SH3RF1: variants seen among roughly 807,000 people sequenced by gnomAD.
SH3RF1 encodes SH3 domain containing ring finger 1, also known as E3 ubiquitin-protein ligase SH3RF1.
In SH3RF1, 32 loss-of-function variants were observed where a neutral mutation model predicts 74.0. That is an observed-to-expected ratio of 0.43 (90% CI 0.33 to 0.58). SH3RF1 has a LOEUF of 0.58. Ranked by LOEUF, SH3RF1 falls within the 20% of genes least tolerant of loss-of-function variation. The probability of loss-of-function intolerance (pLI) is 0.05; values close to 1 mark genes in which losing one functional copy is unlikely to be tolerated. For synonymous variants in SH3RF1, 396 were observed against 439.6 expected (o/e 0.90, Z 1.24); for missense variants, 954 against 1,130.9 (o/e 0.84, Z 2.24).
At chr4:169,124,616 T>A (rs951860382) in intron 6 of SH3RF1, among the ~76,000 whole-genome samples, 1 of 152,208 alleles carries the variant, frequency 6.6e-6, no homozygotes, top group Non-Finnish European at 1.5e-5. Context: ...TTTGCATGTG[T>A]AAATTTGTGT....
chr4:169,247,382 C>T (rs1731019171), intron 2 of SH3RF1, among the ~76,000 whole-genome samples: 1 of 152,142 alleles, frequency 6.6e-6, no homozygotes. Context: ...AGCTATGAAC[C>T]TGGTCCAGGG....
rs558526986 is a variant in SH3RF1 at position 169,213,323 on chromosome 4, GTGA to G, written c.393+55494_393+55496del. Among the ~76,000 whole-genome samples the G allele has an allele frequency of 2.6e-5, 4 of 152,266 alleles. No homozygotes were observed. In the East Asian group the frequency reaches 7.7e-4, roughly 29 times the overall value. ...ATATGCCATATGTATATCTACTTTG[GTGA>G]AGTGTCTGTTCAGGTCTTTTGCCCA... On this transcript the variant is annotated intron_variant, in intron 2 of 11. Coordinates refer to ENST00000284637, the MANE Select transcript of SH3RF1 (RefSeq NM_020870.4).
chr4:169,242,827 C>A (rs1035976508), intron 2 of SH3RF1, among the ~76,000 whole-genome samples: 2 of 152,206 alleles, frequency 1.3e-5, no homozygotes, highest in Non-Finnish European at 2.9e-5. Context: ...GAAGCCCTTG[C>A]CAGATCTGGC....
chr4:169,156,534 T>G lies in SH3RF1; in HGVS notation c.539A>C (p.His180Pro). 1 of 1,614,166 alleles carries G rather than the reference T, an allele frequency of 6.2e-7. No individual in the cohort carries two copies. The highest frequency in any genetic ancestry group is 8.5e-7 in the Non-Finnish European group (1 of 1,179,998). The change falls in exon 3 of 12, where the codon CAT becomes CCT. Residue 180 changes from histidine (H) to proline (P), a missense_variant. By Grantham distance (77) the His-to-Pro change is moderately conservative. This residue lies in a region of SH3RF1 where 854 missense variants were observed against 962.5 expected (regional missense o/e 0.89). Transcript: ENST00000284637. ...CACAAAGTTGGTGGGGAAAAAGCCA[T>G]GGATTCCATTGACTTCCCCATGGTA... ...NWYHGEVNGI[H>P]GFFPTNFVQI...
intron 11 of SH3RF1, among the ~76,000 whole-genome samples, chr4:169,103,295 G>A (rs770575775): frequency 2.0e-5 from 3 of 151,842 alleles, no homozygotes; most frequent in Non-Finnish European, 4.4e-5. Context: ...TTTTATGCTT[G>A]TTCTCATTAT....
chr4:169,130,607 T>A (rs1378759026), intron 5 of SH3RF1, among the ~76,000 whole-genome samples: 1 of 152,230 alleles, frequency 6.6e-6, no homozygotes, highest in African/African-American at 2.4e-5. Context: ...GGTATTTTGC[T>A]ATTTTCAGGA....
At chr4:169,186,191 G>C (rs778087011) in intron 2 of SH3RF1, among the ~76,000 whole-genome samples, 7 of 152,318 alleles carry the variant, frequency 4.6e-5, no homozygotes, top group Non-Finnish European at 1.0e-4. Flanking sequence ...TTTCTAAATA[G>C]AGAGTATGGT....
intron 2 of SH3RF1, among the ~76,000 whole-genome samples, chr4:169,252,645 T>G (rs559919833): frequency 2.0e-5 from 3 of 152,356 alleles, no homozygotes; most frequent in African/African-American, 7.2e-5. Context: ...AACCAACCTA[T>G]TCTATTTTTT....
At chr4:169,212,352 C>T (rs1730391556) in intron 2 of SH3RF1, among the ~76,000 whole-genome samples, 1 of 152,058 alleles carries the variant, frequency 6.6e-6, no homozygotes, top group African/African-American at 2.4e-5. Flanking sequence ...GCGTGAGCCA[C>T]CGCGCCTGGA....
At chr4:169,205,197 T>C (rs962400052) in intron 2 of SH3RF1, among the ~76,000 whole-genome samples, 4 of 152,234 alleles carry the variant, frequency 2.6e-5, no homozygotes, top group African/African-American at 9.6e-5. Context: ...ATTTTGTACA[T>C]AGTATTTCTT....
intron 6 of SH3RF1, among the ~76,000 whole-genome samples, chr4:169,127,585 T>C (rs1245707396): frequency 6.6e-6 from 1 of 152,234 alleles, no homozygotes; most frequent in African/African-American, 2.4e-5. Flanking sequence ...GGTTTGTTTA[T>C]AATTAGTTTT....
At chr4:169,097,302 A>G (rs111475472) in intron 11 of SH3RF1, among the ~76,000 whole-genome samples, 1 of 152,314 alleles carries the variant, frequency 6.6e-6, no homozygotes, top group African/African-American at 2.4e-5. Flanking sequence ...TCCCTTGGGA[A>G]GGTAGTCCCA....
rs1200876454 is a variant in SH3RF1 at position 169,269,139 on chromosome 4, A to G, written c.74T>C (p.Val25Ala). 1.2e-6 allele frequency: 2 copies of G among 1,613,496 alleles called. No homozygotes were observed. The highest frequency in any genetic ancestry group is 1.1e-5 in the South Asian group (1 of 91,082). Residue 25 changes from valine to alanine, a missense_variant, in exon 2 of 12, where the codon GTC (valine) becomes GCC (alanine). Val to Ala is a moderately conservative substitution (Grantham distance 64). Around this residue, in one of 3 missense-constraint regions of SH3RF1, gnomAD observed 64 missense variants for 101.9 expected, o/e 0.63. Coordinates refer to ENST00000284637, the MANE Select transcript of SH3RF1 (RefSeq NM_020870.4). ...CLERLDASAKVLPCQHTFCKR... is the reference protein window; with the variant it reads ...CLERLDASAKALPCQHTFCKR... Reference sequence around the variant, plus strand: ...GCAAAACGTATGCTGGCAAGGCAAGACCTTCGCAGAAGCATCAAGGCGCTC... The same window carrying G: ...GCAAAACGTATGCTGGCAAGGCAAGGCCTTCGCAGAAGCATCAAGGCGCTC...
intron 2 of SH3RF1, among the ~76,000 whole-genome samples, chr4:169,198,413 G>A (rs894004160): frequency 6.6e-6 from 1 of 151,910 alleles, no homozygotes; most frequent in Non-Finnish European, 1.5e-5. Flanking sequence ...CATAGGACTA[G>A]TCAATATAAA....
At chr4:169,234,864 G>C (rs2127009363) in intron 2 of SH3RF1, among the ~76,000 whole-genome samples, 1 of 152,146 alleles carries the variant, frequency 6.6e-6, no homozygotes, top group Non-Finnish European at 1.5e-5. Context: ...GCTGTCCTGT[G>C]CATGGTAGGA....
In SH3RF1 at chr4:169,094,639, G is replaced by C. The variant is rs1732882162; in HGVS notation, c.*1880C>G. ...ATAAAGAATATTATGACACATTGGT[G>C]TCAACTTACACAGATGAAAGCTGAT... is the stretch of plus-strand genomic sequence containing the variant. On this transcript the variant is annotated 3_prime_UTR_variant, in exon 12 of 12. Coordinates refer to ENST00000284637, the MANE Select transcript of SH3RF1 (RefSeq NM_020870.4). 6.6e-6 allele frequency: 1 copy of C among 152,178 alleles called. No individual in the cohort carries two copies. Among genetic ancestry groups the C allele is most frequent in the South Asian group, 2.1e-4 (1 of 4,828 alleles). The allele number at this position is 152,178 out of a possible 1,614,324, so 9.4% of individuals were successfully genotyped here.
intron 2 of SH3RF1, among the ~76,000 whole-genome samples, chr4:169,251,579 G>C (rs186260215): frequency 6.6e-6 from 1 of 152,138 alleles, no homozygotes; most frequent in Non-Finnish European, 1.5e-5. Flanking sequence ...GTTGGCTTTC[G>C]TCCTTCAAAA....
Position 169,136,603 on chromosome 4 carries a change from C to T in SH3RF1, c.783G>A (p.Lys261=), listed in dbSNP as rs1414563864. The change falls in exon 5 of 12, where the codon AAG becomes AAA. Residue 261 remains lysine (K), a synonymous_variant. Transcript: ENST00000284637. The part of the protein sequence containing the change: ...ISYVEFNSAA[K]QLIEWDKPPV... ...GAGGCTTATCCCATTCTATCAGCTG[C>T]TTAGCAGCCGAGTTAAACTGCAAAA... 1 of 1,530,188 alleles carries T rather than the reference C, an allele frequency of 6.5e-7. No homozygotes were observed. The highest frequency in any genetic ancestry group is 8.8e-7 in the Non-Finnish European group (1 of 1,138,170). The allele number at this position is 1,530,188 out of a possible 1,614,324, so 94.8% of individuals were successfully genotyped here.
intron 11 of SH3RF1, among the ~76,000 whole-genome samples, chr4:169,104,924 A>G (rs921159439): frequency 2.0e-5 from 3 of 151,542 alleles, no homozygotes; most frequent in Non-Finnish European, 2.9e-5. Context: ...AAAAAATCAT[A>G]AATTGTGAGC....
Sources: allele counts gnomAD v4.1 joint callset (sites outside exome capture counted in the v4.1 genomes callset), GRCh38; gene constraint gnomAD v4.1.1; regional missense constraint gnomAD v4.1.1; transcripts MANE v1.5; gene names NCBI Gene and HGNC (gene_info 2026-07-23, HGNC 2026-07-21).